Variants in TENT5D observed in about 807,000 individuals in gnomAD.
TENT5D encodes the protein terminal nucleotidyltransferase 5D.
For missense variants in TENT5D, 191 were observed against 287.0 expected (o/e 0.67, Z 2.42); for synonymous variants, 103 against 100.6 (o/e 1.02, Z -0.15).
At chrX:80,385,825 C>T (rs1458221429) in intron 3 of TENT5D, among the ~76,000 whole-genome samples, 2 of 112,388 alleles carry the variant, frequency 1.8e-5, no homozygotes, top group African/African-American at 3.2e-5. Flanking sequence ...TGAAAAAATG[C>T]TCATCATCAC....
chrX:80,440,610 G>T (rs969625758), intron 2 of TENT5D, among the ~76,000 whole-genome samples: 1 of 110,438 alleles, frequency 9.1e-6, no homozygotes, highest in Admixed American at 9.7e-5. Context: ...TGATTTACAT[G>T]GAGACTGTAG....
chrX:80,400,741 A>G (rs1385729065), intron 3 of TENT5D, among the ~76,000 whole-genome samples: 2 of 111,636 alleles, frequency 1.8e-5, no homozygotes, highest in East Asian at 5.6e-4. Flanking sequence ...GTCATCTTTT[A>G]TGGTTTCAGT....
At chrX:80,341,868 C>T (rs987561939) in intron 2 of TENT5D, among the ~76,000 whole-genome samples, 7 of 106,492 alleles carry the variant, frequency 6.6e-5, no homozygotes, top group Non-Finnish European at 1.2e-4. Flanking sequence ...CCCGCTACCA[C>T]GCCCGGCTAA....
chrX:80,424,242 G>A (rs1297006545), intron 1 of TENT5D, among the ~76,000 whole-genome samples: 1 of 111,467 alleles, frequency 9.0e-6, no homozygotes, highest in Non-Finnish European at 1.9e-5. Flanking sequence ...CGTTAGATGA[G>A]AAGAAACAAT....
intron 1 of TENT5D, among the ~76,000 whole-genome samples, chrX:80,422,199 G>A (rs1050634509): frequency 3.6e-5 from 4 of 110,926 alleles, no homozygotes; most frequent in African/African-American, 1.3e-4. Flanking sequence ...TCATGGCTGG[G>A]TGCAGTGGCT....
At chrX:80,390,374 C>G (rs1221496479) in intron 3 of TENT5D, among the ~76,000 whole-genome samples, 1 of 111,451 alleles carries the variant, frequency 9.0e-6, no homozygotes, top group African/African-American at 3.3e-5. Flanking sequence ...TAAAGTGAGA[C>G]CTATAAGCAT....
intron 3 of TENT5D, among the ~76,000 whole-genome samples, chrX:80,350,450 A>G (rs761770217): frequency 9.1e-6 from 1 of 110,293 alleles, no homozygotes; most frequent in Non-Finnish European, 1.9e-5. Context: ...AGTCTTTTTT[A>G]TCACAGGCTA....
At chrX:80,374,144 T>TGTA (rs2147527785) in intron 3 of TENT5D, among the ~76,000 whole-genome samples, 1 of 111,519 alleles carries the variant, frequency 9.0e-6, no homozygotes, top group African/African-American at 3.3e-5. Context: ...GACCTCCAAT[T>TGTA]CCAACCATGT....
At chrX:80,346,330 C>G (rs1930059948) in intron 3 of TENT5D, among the ~76,000 whole-genome samples, 1 of 112,146 alleles carries the variant, frequency 8.9e-6, no homozygotes, top group Non-Finnish European at 1.9e-5. Flanking sequence ...AATATAACTG[C>G]TGTGTATATT....
intron 3 of TENT5D, among the ~76,000 whole-genome samples, chrX:80,356,351 G>A (rs932453091): frequency 3.6e-5 from 4 of 111,653 alleles, no homozygotes; most frequent in Non-Finnish European, 7.5e-5. Flanking sequence ...TTTGGTATCA[G>A]TAACAGCATG....
chrX:80,392,340 C>A (rs1197290470), intron 3 of TENT5D, among the ~76,000 whole-genome samples: 3 of 109,483 alleles, frequency 2.7e-5, no homozygotes, highest in Non-Finnish European at 5.7e-5. Flanking sequence ...ACCTACAAAT[C>A]TTTGTGGGTT....
chrX:80,422,531 C>A (rs764735400), intron 1 of TENT5D, among the ~76,000 whole-genome samples: 25 of 111,475 alleles, frequency 2.2e-4, no homozygotes, highest in Non-Finnish European at 4.5e-4. Context: ...TGCTTGCCTA[C>A]TAGCAGGCTC....
chrX:80,343,464 C>T (rs914024409), intron 3 of TENT5D, among the ~76,000 whole-genome samples: 3 of 99,433 alleles, frequency 3.0e-5, no homozygotes, highest in Non-Finnish European at 6.0e-5. Flanking sequence ...ATGGCACGAT[C>T]TCGGCTCACC....
At chrX:80,386,509 A>G (rs1417790813) in intron 3 of TENT5D, among the ~76,000 whole-genome samples, 1 of 111,326 alleles carries the variant, frequency 9.0e-6, no homozygotes, top group Admixed American at 9.6e-5. Context: ...TACATATGTA[A>G]CAAACATGCA....
chrX:80,367,886 T>C (rs936100288), intron 3 of TENT5D, among the ~76,000 whole-genome samples: 3 of 111,312 alleles, frequency 2.7e-5, no homozygotes, highest in African/African-American at 9.8e-5. Flanking sequence ...TGATGGTTAA[T>C]AGGTAAAAAA....
chrX:80,441,833 T>C (rs1932287729), intron 2 of TENT5D, among the ~76,000 whole-genome samples: 1 of 111,055 alleles, frequency 9.0e-6, no homozygotes, highest in African/African-American at 3.3e-5. Flanking sequence ...ACAAATTTAG[T>C]AGTCTCATCT....
intron 3 of TENT5D, among the ~76,000 whole-genome samples, chrX:80,392,482 T>C (rs1266365494): frequency 9.6e-6 from 1 of 103,814 alleles, no homozygotes; most frequent in African/African-American, 3.6e-5. Flanking sequence ...TATAGCTTTA[T>C]TCTCATTTTA....
chrX:80,409,049 C>T (rs1393851535), intron 3 of TENT5D, among the ~76,000 whole-genome samples: 2 of 110,197 alleles, frequency 1.8e-5, no homozygotes, highest in African/African-American at 3.3e-5. Context: ...AATTCAACAA[C>T]CCTTCATGCT....
chrX:80,412,201 C>T (rs1208860416), intron 3 of TENT5D, among the ~76,000 whole-genome samples: 2 of 112,793 alleles, frequency 1.8e-5, no homozygotes, highest in East Asian at 5.6e-4. Flanking sequence ...TCAGCCATGG[C>T]TGGGGAGCAG....
Sources: allele counts gnomAD v4.1 joint callset (sites outside exome capture counted in the v4.1 genomes callset), GRCh38; gene constraint gnomAD v4.1.1; transcripts MANE v1.5; gene names NCBI Gene and HGNC (gene_info 2026-07-23, HGNC 2026-07-21).